Variants in C19orf47 observed in about 807,000 individuals in gnomAD.
The protein encoded by C19orf47 is uncharacterized protein C19orf47.
In C19orf47, 18 loss-of-function variants were observed where a neutral mutation model predicts 32.3. The ratio of observed to expected loss-of-function variants is 0.56; its 90% CI spans 0.39 to 0.83. C19orf47 has a LOEUF of 0.83. Among genes scored for constraint, C19orf47 ranks in the 40% least tolerant of loss-of-function variants. The pLI, the probability that C19orf47 is intolerant of heterozygous loss-of-function variation, is 0.00. For synonymous variants in C19orf47, 202 were observed against 211.1 expected, an observed-to-expected ratio of 0.96 and a Z score of 0.37; for missense variants, 484 against 531.6, an observed-to-expected ratio of 0.91 and a Z score of 0.88.
chr19:40,336,029 C>A, intron 4 of C19orf47, 81 bp downstream of exon 4: 1 of 1,309,742 alleles, frequency 7.6e-7, no homozygotes, highest in Non-Finnish European at 1.1e-6. Flanking sequence ...GCCTCTGCTG[C>A]CAGGCCTCCC....
intron 7 of C19orf47, among the ~76,000 whole-genome samples, chr19:40,324,893 G>A (rs773226271): frequency 3.3e-5 from 5 of 151,592 alleles, no homozygotes; most frequent in Non-Finnish European, 7.4e-5. Flanking sequence ...CCAGGAGGTC[G>A]AGGCTGCAGT....
chr19:40,342,775 G>C (rs1449684670), intron 1 of C19orf47, among the ~76,000 whole-genome samples: 1 of 152,150 alleles, frequency 6.6e-6, no homozygotes, highest in Non-Finnish European at 1.5e-5. Context: ...CCAGAAGAAG[G>C]TACAGCAAGT....
chr19:40,338,290 C>A (rs57333538), intron 2 of C19orf47, among the ~76,000 whole-genome samples: 1 of 135,656 alleles, frequency 7.4e-6, no homozygotes, highest in East Asian at 2.4e-4. Flanking sequence ...CACACACACA[C>A]AAATATATAT....
chr19:40,339,500 AC>A (rs1178997737), intron 2 of C19orf47, among the ~76,000 whole-genome samples: 1 of 152,170 alleles, frequency 6.6e-6, no homozygotes, highest in Non-Finnish European at 1.5e-5. Context: ...CACGGTGGTC[AC>A]TCTCAAGGTG....
At chr19:40,336,437 C>T (rs760061967) in intron 2 of C19orf47, 30 bp from the exon 3 acceptor site, 1 of 1,583,302 alleles carries the variant, frequency 6.3e-7, no homozygotes, top group South Asian at 1.1e-5. Context: ...TCATTACTCA[C>T]ACTGTCCTCT....
chr19:40,297,527 C>A, the C19orf47 span, among the ~76,000 whole-genome samples: 1 of 152,074 alleles, frequency 6.6e-6, no homozygotes, highest in Non-Finnish European at 1.5e-5. Flanking sequence ...ATGGTGAAAA[C>A]CTGTCTTTAC....
the C19orf47 span, among the ~76,000 whole-genome samples, chr19:40,298,772 G>T: frequency 1.3e-5 from 2 of 152,216 alleles, no homozygotes; most frequent in African/African-American, 2.4e-5. Flanking sequence ...ATGTGGGGGG[G>T]TTTTGTTGAG....
At chr19:40,300,526 A>C in the C19orf47 span, among the ~76,000 whole-genome samples, 1 of 152,138 alleles carries the variant, frequency 6.6e-6, no homozygotes, top group Non-Finnish European at 1.5e-5. Context: ...AAATTATGAG[A>C]TTCCTAGAAA....
chr19:40,328,153 T>C (rs1156899559), intron 6 of C19orf47, among the ~76,000 whole-genome samples: 1 of 152,090 alleles, frequency 6.6e-6, no homozygotes, highest in African/African-American at 2.4e-5. Context: ...AATGCACACA[T>C]GCCTCAACAC....
intron 2 of C19orf47, among the ~76,000 whole-genome samples, chr19:40,340,598 G>A (rs912486566): frequency 1.3e-5 from 2 of 151,442 alleles, no homozygotes; most frequent in South Asian, 2.1e-4. Flanking sequence ...GGAGAATGGC[G>A]TGAACCCGGG....
chr19:40,332,792 C>A (rs976862148), intron 5 of C19orf47: 1 of 152,206 alleles, frequency 6.6e-6, no homozygotes, highest in African/African-American at 2.4e-5. Context: ...TTCACAGACA[C>A]ACACAGAGAA....
At chr19:40,344,622 A>G (rs796529346) in intron 1 of C19orf47, among the ~76,000 whole-genome samples, 7 of 152,334 alleles carry the variant, frequency 4.6e-5, no homozygotes, top group African/African-American at 1.7e-4. Context: ...ATGCAGATGC[A>G]TCCCAACAGC....
intron 1 of C19orf47, among the ~76,000 whole-genome samples, chr19:40,343,007 T>C (rs117004636): frequency 0.011 from 1,660 of 152,318 alleles, 14 homozygotes; most frequent in Non-Finnish European, 0.018. Context: ...CAATGGAGAC[T>C]GTCTCCGTTA....
At chr19:40,340,516 A>C (rs927009675) in intron 2 of C19orf47, among the ~76,000 whole-genome samples, 1 of 150,928 alleles carries the variant, frequency 6.6e-6, no homozygotes, top group Non-Finnish European at 1.5e-5. Context: ...CCCCATCTCT[A>C]CTAAAAATAC....
the C19orf47 span, among the ~76,000 whole-genome samples, chr19:40,313,124 T>C: frequency 6.6e-6 from 1 of 152,200 alleles, no homozygotes; most frequent in East Asian, 1.9e-4. Context: ...TCCAAGATGG[T>C]TGGTACCAGC....
At chr19:40,307,470 C>T in the C19orf47 span, among the ~76,000 whole-genome samples, 1 of 152,144 alleles carries the variant, frequency 6.6e-6, no homozygotes, top group South Asian at 2.1e-4. Context: ...ATGAGCTCGG[C>T]TCACTGCAAC....
intron 6 of C19orf47, 119 bp downstream of exon 6, chr19:40,328,294 G>A (rs2077874823): frequency 1.4e-6 from 2 of 1,426,204 alleles, no homozygotes; most frequent in South Asian, 1.3e-5. Flanking sequence ...AGGTTCAAAT[G>A]TTTTGTATAC....
the C19orf47 span, among the ~76,000 whole-genome samples, chr19:40,301,632 G>T: frequency 2.0e-5 from 3 of 151,702 alleles, no homozygotes; most frequent in Non-Finnish European, 2.9e-5. Flanking sequence ...GAGCCACCGC[G>T]CCTGGCCTGA....
At chr19:40,299,250 T>C in the C19orf47 span, among the ~76,000 whole-genome samples, 1 of 152,128 alleles carries the variant, frequency 6.6e-6, no homozygotes, top group Non-Finnish European at 1.5e-5. Flanking sequence ...TTTTAATAAT[T>C]ACCCTGGTGA....
Sources: allele counts gnomAD v4.1 joint callset (sites outside exome capture counted in the v4.1 genomes callset), GRCh38; gene constraint gnomAD v4.1.1; transcripts MANE v1.5; gene names NCBI Gene and HGNC (gene_info 2026-07-23, HGNC 2026-07-21).